Variants in TMC6 observed in about 807,000 individuals in gnomAD.
TMC6 encodes transmembrane channel-like protein 6.
In TMC6, 71 loss-of-function variants were observed where a neutral mutation model predicts 95.4. The observed-to-expected ratio is 0.74, with a 90% CI of 0.61 to 0.91. TMC6 has a LOEUF of 0.91. TMC6 is among the 40% of genes least tolerant of loss of function. The pLI, the probability that TMC6 is intolerant of heterozygous loss-of-function variation, is 0.00. For synonymous variants in TMC6, 514 were observed against 483.1 expected, an observed-to-expected ratio of 1.06 and a Z score of -0.84; for missense variants, 1,074 against 1,079.1, an observed-to-expected ratio of 1.00 and a Z score of 0.07.
At position 78,112,383 on chromosome 17, in the gene TMC6, C is replaced by T; in HGVS notation, c.*765G>A. 1 of 185,758 alleles carries T rather than the reference C, an allele frequency of 5.4e-6. No individual in the cohort carries two copies. The highest frequency in any genetic ancestry group is 1.1e-5 in the Non-Finnish European group (1 of 87,050). 11.5% of individuals were successfully genotyped at this position (185,758 alleles called of 1,614,324 possible). ...GAATCCCTGTGCCCACCCCCCACAG[C>T]CTACGGTTTTCGGTATCCCACGGGC... On this transcript the variant is annotated 3_prime_UTR_variant, in exon 20 of 20. Transcript: ENST00000590602.
rs375251615 is a variant in TMC6 at position 78,126,857 on chromosome 17, T to C, written c.-25A>G. The C allele has an allele frequency of 6.2e-7, 1 of 1,610,784 alleles. No homozygotes were observed. Among genetic ancestry groups the C allele is most frequent in the South Asian group, 1.1e-5 (1 of 90,714 alleles). On this transcript the variant is annotated 5_prime_UTR_variant, in exon 2 of 20. Coordinates refer to ENST00000590602, the MANE Select transcript of TMC6 (RefSeq NM_001127198.5). ...TGTCTCTGGCCAATGCCCGCTAGTC[T>C]GCAGACCTAGGGTAGCTCAGAGCCT...
intron 9 of TMC6, among the ~76,000 whole-genome samples, chr17:78,123,647 T>G (rs2074538650): frequency 3.3e-5 from 2 of 60,816 alleles, no homozygotes; most frequent in African/African-American, 6.8e-5. Flanking sequence ...GTGAACTGAT[T>G]GGGTGAATGG....
chr17:78,129,792 T>C, upstream of TMC6, among the ~76,000 whole-genome samples: 1 of 152,134 alleles, frequency 6.6e-6, no homozygotes, highest in Middle Eastern at 3.2e-3. This position sits in a 1 kb window ranked among gnomAD's most constrained non-coding sequence, Gnocchi z 4.3. Context: ...CCTCCCTGCA[T>C]ACCCACACTG....
In TMC6 at chr17:78,124,780, G is replaced by T; in HGVS notation, c.635C>A (p.Ala212Asp). The change falls in exon 8 of 20, where the codon GCC becomes GAC. Residue 212 changes from alanine to aspartate, a missense_variant and splice_region_variant. Coordinates refer to ENST00000590602, the MANE Select transcript of TMC6 (RefSeq NM_001127198.5). The part of the protein sequence containing the change: ...CGRLRYACVL[A>D]LHSLGLALLS... ...CAGCGCCAGGCCCAGGCTGTGCAAG[G>T]CCTGCGGGCACAGGCAGAGAGGCCC... 1 of 1,581,312 alleles carries T rather than the reference G, an allele frequency of 6.3e-7. No homozygotes were observed. Among genetic ancestry groups the T allele is most frequent in the Non-Finnish European group, 8.6e-7 (1 of 1,164,438 alleles).
intron 8 of TMC6, 94 bp downstream of exon 8, chr17:78,124,430 G>A: frequency 1.3e-6 from 2 of 1,570,902 alleles, no homozygotes; most frequent in Non-Finnish European, 1.7e-6. Context: ...GGCAAGGGTT[G>A]GGGGCCCCAG....
chr17:78,109,697 C>T lies in TMC6; in HGVS notation c.*3451G>A, dbSNP rs750626058. On this transcript the variant is annotated 3_prime_UTR_variant, in exon 20 of 20. Transcript: ENST00000590602. ...CGTGAGTGCATGCATGCGTTTGTGA[C>T]AGCCTGGTGCTCGGATGGGCCCAGA... 5.2e-6 allele frequency: 2 copies of T among 381,628 alleles called. No homozygotes were observed. Among genetic ancestry groups the T allele is most frequent in the Non-Finnish European group, 1.1e-5 (2 of 188,034 alleles). 23.6% of individuals were successfully genotyped at this position (381,628 alleles called of 1,614,324 possible).
At chr17:78,114,956 C>T (rs748412475) in intron 18 of TMC6, among the ~76,000 whole-genome samples, 3 of 152,258 alleles carry the variant, frequency 2.0e-5, no homozygotes, top group Non-Finnish European at 4.4e-5. Flanking sequence ...TCTGCATTCC[C>T]CGCCCGGACC....
At chr17:78,119,093 C>A in intron 14 of TMC6, 47 bp from the exon 15 acceptor site, 1 of 1,546,554 alleles carries the variant, frequency 6.5e-7, no homozygotes, top group African/African-American at 1.4e-5. Context: ...GCCCTCCCCT[C>A]CCCGAGATCA....
rs2074446274 is a variant in TMC6 at position 78,122,155 on chromosome 17, G to C, written c.1228-444C>G. ...CAGAAAGGCAGAGAATGTTCCACGA[G>C]GCCCGGCTCTGCAGCCTCCTGGCCC... On this transcript the variant is annotated intron_variant, in intron 10 of 19. Coordinates refer to ENST00000590602, the MANE Select transcript of TMC6 (RefSeq NM_001127198.5). This position sits in a 1 kb window ranked among gnomAD's most constrained non-coding sequence, Gnocchi z 4.9. Among the ~76,000 whole-genome samples the C allele has an allele frequency of 6.6e-6, 1 of 152,152 alleles. No individual in the cohort carries two copies. Among genetic ancestry groups the C allele is most frequent in the African/African-American group, 2.4e-5 (1 of 41,444 alleles).
rs545056582 is a variant in TMC6, at chr17:78,125,805, G to A, written c.351C>T (p.Leu117=). 70 of 1,559,210 alleles carry A rather than the reference G, an allele frequency of 4.5e-5. No homozygotes were observed. In the East Asian group the frequency reaches 5.5e-4, roughly 12 times the overall value. Residue 117 remains leucine (L), a synonymous_variant, in exon 5 of 20, where the codon CTC becomes CTT. Coordinates refer to ENST00000590602, the MANE Select transcript of TMC6 (RefSeq NM_001127198.5). ...GCCAGGCGGAGCGGACAAAGTTCCC[G>A]AGCAGGGGCCGGCTGCTCCTGCACC... ...QLRCRSSRPL[L]GNFVRSAWPS...
At chr17:78,126,946 C>T (rs555199992) in intron 1 of TMC6, 40 bp from the exon 2 acceptor site, 40 of 1,245,322 alleles carry the variant, frequency 3.2e-5, no homozygotes, top group Middle Eastern at 2.6e-4. Flanking sequence ...TGGTCTTCAA[C>T]GCCTGGCAGC....
At position 78,110,812 on chromosome 17, in the gene TMC6, G is replaced by GC. The variant is rs1223267430; in HGVS notation, c.*2335dup. The GC allele has an allele frequency of 6.6e-6, 1 of 152,322 alleles. No homozygotes were observed. The highest frequency in any genetic ancestry group is 1.5e-5 in the Non-Finnish European group (1 of 68,124). The allele number at this position is 152,322 out of a possible 1,614,324, so 9.4% of individuals were successfully genotyped here. On this transcript the variant is annotated 3_prime_UTR_variant, in exon 20 of 20. Coordinates refer to ENST00000590602, the MANE Select transcript of TMC6 (RefSeq NM_001127198.5). ...ATACAGCGGCCCCATGAGGCGAGGA[G>GC]CTGGGAGGTCACAGAACATGCCCCA... is the stretch of plus-strand genomic sequence containing the variant.
rs371705763 is a variant in TMC6 at position 78,117,366 on chromosome 17, C to T, written c.2199-19G>A. On this transcript the variant is annotated intron_variant, in intron 17 of 19. Coordinates refer to ENST00000590602, the MANE Select transcript of TMC6 (RefSeq NM_001127198.5). Reference sequence around the variant, plus strand: ...CACGGCCCTGCGGGAGAGGGGCTGTCGGGCAGGGCCCAGGGCCACAGCCCG... The same window carrying T: ...CACGGCCCTGCGGGAGAGGGGCTGTTGGGCAGGGCCCAGGGCCACAGCCCG... The T allele has an allele frequency of 1.2e-5, 19 of 1,612,944 alleles. No individual in the cohort carries two copies. Among genetic ancestry groups the T allele is most frequent in the Non-Finnish European group, 1.5e-5 (18 of 1,179,884 alleles).
chr17:78,130,127 T>C (rs990316982), upstream of TMC6, among the ~76,000 whole-genome samples: 2 of 152,172 alleles, frequency 1.3e-5, no homozygotes, highest in African/African-American at 2.4e-5. Flanking sequence ...AAGATATGTC[T>C]TAAACATCTA....
At position 78,121,496 on chromosome 17, in the gene TMC6, G is replaced by T; in HGVS notation, c.1383+60C>A. 2 of 1,608,432 alleles carry T rather than the reference G, an allele frequency of 1.2e-6. No homozygotes were observed. The highest frequency in any genetic ancestry group is 1.7e-6 in the Non-Finnish European group (2 of 1,178,830). ...GCAAGGCTGCCTCCCCAGGGGGCAG[G>T]TGCCCAGAGTCACTGGGGACACGTT... On this transcript the variant is annotated intron_variant, in intron 11 of 19. Transcript: ENST00000590602. This position sits in a 1 kb window ranked among gnomAD's most constrained non-coding sequence, Gnocchi z 5.6.
Position 78,125,765 on chromosome 17 carries a change from A to ACAGGCGGAGGCTGGGC in TMC6, c.375_390dup (p.Tyr131AlafsTer49). ...GCCGTGGGGTCCAGCTCCAGGTCGT[A>ACAGGCGGAGGCTGGGC]CAGGCGGAGGCTGGGCCAGGCGGAG... On this transcript the variant is annotated frameshift_variant, in exon 5 of 20. Transcript: ENST00000590602. LOFTEE classifies it high-confidence loss of function. The ACAGGCGGAGGCTGGGC allele has an allele frequency of 1.3e-6, 2 of 1,567,998 alleles. No individual in the cohort carries two copies. The highest frequency in any genetic ancestry group is 1.7e-6 in the Non-Finnish European group (2 of 1,156,816).
At chr17:78,117,732 G>C (rs973512854) in intron 16 of TMC6, 70 bp downstream of exon 16, 3 of 1,568,290 alleles carry the variant, frequency 1.9e-6, no homozygotes, top group Admixed American at 1.9e-5. Context: ...CCTAAGCCTT[G>C]GGCCCCCCAG....
chr17:78,115,548 G>A lies in TMC6; in HGVS notation c.2277+1721C>T, dbSNP rs139325170. ...GGGAGGAGGCCAGGCTGGGTAGCCC[G>A]GGGGGAAAGTGCCTTGTCTCCAACT... is the stretch of plus-strand genomic sequence containing the variant. On this transcript the variant is annotated intron_variant, in intron 18 of 19. Transcript: ENST00000590602. Among the ~76,000 whole-genome samples, 46 of 152,276 alleles carry A rather than the reference G, an allele frequency of 3.0e-4. No homozygotes were observed. The East Asian group carries it at 5.0e-3, about 17-fold the overall frequency.
In TMC6 at chr17:78,126,859, C is replaced by T. The variant is rs973057407; in HGVS notation, c.-27G>A. 4.3e-6 allele frequency: 7 copies of T among 1,610,298 alleles called. No homozygotes were observed. The highest frequency in any genetic ancestry group is 5.9e-6 in the Non-Finnish European group (7 of 1,179,316). On this transcript the variant is annotated 5_prime_UTR_variant, in exon 2 of 20. Transcript: ENST00000590602. ...TCTCTGGCCAATGCCCGCTAGTCTG[C>T]AGACCTAGGGTAGCTCAGAGCCTGG... is the stretch of plus-strand genomic sequence containing the variant.
Sources: gnomAD v4.1 joint callset for allele counts (sites outside exome capture counted in the v4.1 genomes callset) on GRCh38, gnomAD v4.1.1 for gene constraint, Gnocchi (gnomAD v3.1) non-coding constraint, MANE v1.5 for transcripts, NCBI Gene and HGNC (gene_info 2026-07-23, HGNC 2026-07-21) for gene names.